TSGA10: variants seen among roughly 807,000 people sequenced by gnomAD.
TSGA10 encodes the protein testis specific 10.
Under a neutral mutation model 96.6 loss-of-function variants are expected in TSGA10, and 43 were observed. The ratio of observed to expected loss-of-function variants is 0.44; its 90% CI spans 0.35 to 0.57. TSGA10 has a LOEUF of 0.57. TSGA10 is among the 20% of genes least tolerant of loss of function. The pLI is 0.01. For synonymous variants in TSGA10, 229 were observed against 269.9 expected (o/e 0.85, Z 1.48); for missense variants, 703 against 834.4 (o/e 0.84, Z 1.94).
intron 10 of TSGA10, among the ~76,000 whole-genome samples, chr2:99,095,203 T>C (rs2104719914): frequency 6.6e-6 from 1 of 152,156 alleles, no homozygotes; most frequent in Middle Eastern, 3.4e-3. Flanking sequence ...GCTATGAGGA[T>C]GCAAAGGCAT....
chr2:99,006,146 G>C (rs2078448566), intron 20 of TSGA10, among the ~76,000 whole-genome samples: 1 of 152,176 alleles, frequency 6.6e-6, no homozygotes, highest in Non-Finnish European at 1.5e-5. Flanking sequence ...ATTAATTCAA[G>C]ATGGATTAAA....
intron 4 of TSGA10, among the ~76,000 whole-genome samples, 195 bp from the exon 5 acceptor site, chr2:99,111,110 AT>A (rs2104857951): frequency 6.6e-6 from 1 of 152,254 alleles, no homozygotes; most frequent in East Asian, 1.9e-4. Context: ...TGAAATAACA[AT>A]TCTCTTAAAT....
chr2:99,148,525 T>C (rs949830061), intron 1 of TSGA10, among the ~76,000 whole-genome samples: 22 of 152,258 alleles, frequency 1.4e-4, no homozygotes, highest in Non-Finnish European at 2.1e-4. Flanking sequence ...TGTTTTGTTA[T>C]AAACACTGAT....
chr2:99,042,165 C>T (rs976546365), intron 16 of TSGA10, among the ~76,000 whole-genome samples: 1 of 150,526 alleles, frequency 6.6e-6, no homozygotes, highest in Non-Finnish European at 1.5e-5. Flanking sequence ...TAAACACAAA[C>T]ATTTTGAAGG....
intron 10 of TSGA10, among the ~76,000 whole-genome samples, chr2:99,098,540 A>T (rs1407784852): frequency 6.6e-6 from 1 of 151,578 alleles, no homozygotes; most frequent in African/African-American, 2.4e-5. Context: ...AGAAAAAAAG[A>T]AATCTAAAAA....
At chr2:99,141,090 T>C (rs1299216130) in intron 1 of TSGA10, 1 of 1,283,228 alleles carries the variant, frequency 7.8e-7, no homozygotes, top group South Asian at 1.2e-5. Flanking sequence ...TACCTGGAGC[T>C]CCGGGTCCCT....
chr2:99,144,546 G>A (rs2093612107), intron 1 of TSGA10, among the ~76,000 whole-genome samples: 1 of 150,636 alleles, frequency 6.6e-6, no homozygotes. Flanking sequence ...CTACTCGGGA[G>A]GCTGAGGCAG....
At chr2:99,013,385 T>A (rs2079173804) in intron 20 of TSGA10, among the ~76,000 whole-genome samples, 3 of 152,144 alleles carry the variant, frequency 2.0e-5, no homozygotes, top group Admixed American at 1.3e-4. Context: ...CAGGCTGGAA[T>A]GCTGTGGCGC....
chr2:99,134,284 C>T (rs1181937565), intron 1 of TSGA10, among the ~76,000 whole-genome samples: 1 of 152,076 alleles, frequency 6.6e-6, no homozygotes, highest in Non-Finnish European at 1.5e-5. Context: ...TGTTTCTTCT[C>T]ATCCTTTTTT....
At chr2:99,003,907 A>G (rs2078212934) in intron 20 of TSGA10, among the ~76,000 whole-genome samples, 1 of 152,234 alleles carries the variant, frequency 6.6e-6, no homozygotes, top group African/African-American at 2.4e-5. Flanking sequence ...AAGCAAGAGC[A>G]AACACATTCA....
intron 16 of TSGA10, among the ~76,000 whole-genome samples, chr2:99,038,573 A>G (rs2081889639): frequency 6.6e-6 from 1 of 152,206 alleles, no homozygotes; most frequent in South Asian, 2.1e-4. Context: ...GACATTATAT[A>G]ATGATAAAAG....
intron 10 of TSGA10, among the ~76,000 whole-genome samples, chr2:99,097,610 A>C (rs1208432500): frequency 1.3e-5 from 2 of 152,190 alleles, no homozygotes; most frequent in African/African-American, 4.8e-5. Context: ...GACAGAAAAC[A>C]ATAAAATGAT....
At chr2:99,034,976 T>G (rs2309523) in intron 17 of TSGA10, among the ~76,000 whole-genome samples, 1,681 of 152,278 alleles carry the variant, frequency 0.011, 16 homozygotes, top group Middle Eastern at 0.02. Flanking sequence ...TGCTGATCGC[T>G]ATGTCAATGT....
intron 16 of TSGA10, among the ~76,000 whole-genome samples, chr2:99,054,708 AAAG>A (rs2083782641): frequency 6.6e-6 from 1 of 152,232 alleles, no homozygotes; most frequent in African/African-American, 2.4e-5. Context: ...ACATTTCTCA[AAAG>A]AAGTCATACA....
At chr2:99,057,801 A>C (rs1319834976) in intron 16 of TSGA10, among the ~76,000 whole-genome samples, 1 of 152,228 alleles carries the variant, frequency 6.6e-6, no homozygotes, top group Non-Finnish European at 1.5e-5. Flanking sequence ...AATCTTGAAA[A>C]AATGAAAACA....
rs555699238 is a variant in TSGA10 at position 99,105,609 on chromosome 2, C to G, written c.299G>C (p.Arg100Pro). The change falls in exon 8 of 21, where the codon CGA becomes CCA. Residue 100 changes from arginine to proline, a missense_variant. Transcript: ENST00000393483. ...GGCTACATCTCTTTCAGTCTCCACT[C>G]GCCGGAGAATAGCATGTGCCGTTGT... is the stretch of plus-strand genomic sequence containing the variant. ...KSTTAHAILR[R>P]VETERDVAFT... 1.2e-6 allele frequency: 2 copies of G among 1,610,604 alleles called. No individual in the cohort carries two copies. Among genetic ancestry groups the G allele is most frequent in the Non-Finnish European group, 8.5e-7 (1 of 1,176,990 alleles).
intron 14 of TSGA10, 53 bp from the exon 15 acceptor site, chr2:99,069,051 T>A (rs1247945326): frequency 1.1e-6 from 1 of 939,420 alleles, no homozygotes; most frequent in African/African-American, 1.7e-5. Flanking sequence ...AATTTCTATA[T>A]CTCAAAAATA....
At chr2:99,012,135 C>T (rs772402854) in intron 20 of TSGA10, among the ~76,000 whole-genome samples, 55 of 152,176 alleles carry the variant, frequency 3.6e-4, no homozygotes, top group Non-Finnish European at 5.7e-4. Flanking sequence ...GAATTTGCCA[C>T]TACTAAACCA....
chr2:99,119,811 A>G (rs2092476653), intron 2 of TSGA10, among the ~76,000 whole-genome samples: 1 of 152,132 alleles, frequency 6.6e-6, no homozygotes, highest in South Asian at 2.1e-4. Flanking sequence ...CTGTTTACTT[A>G]TTTTACCCTA....
Sources: gnomAD v4.1 joint callset for allele counts (sites outside exome capture counted in the v4.1 genomes callset) on GRCh38, gnomAD v4.1.1 for gene constraint, MANE v1.5 for transcripts, NCBI Gene and HGNC (gene_info 2026-07-23, HGNC 2026-07-21) for gene names.